ZNF569: variants seen among roughly 807,000 people sequenced by gnomAD.
ZNF569 encodes the protein DNA-binding protein.
ZNF569 carries 38 observed loss-of-function variants against 56.3 expected under a neutral mutation model. The ratio of observed to expected loss-of-function variants is 0.68; its 90% CI spans 0.52 to 0.88. The LOEUF is 0.88. Ranked by LOEUF, ZNF569 falls within the 40% of genes least tolerant of loss-of-function variation. The pLI, the probability that ZNF569 is intolerant of heterozygous loss-of-function variation, is 0.00. For synonymous variants in ZNF569, 241 were observed against 262.9 expected, an observed-to-expected ratio of 0.92 and a Z score of 0.81; for missense variants, 666 against 809.2, an observed-to-expected ratio of 0.82 and a Z score of 2.15.
chr19:37,416,733 G>A (rs1458357523), intron 5 of ZNF569, among the ~76,000 whole-genome samples: 1 of 151,996 alleles, frequency 6.6e-6, no homozygotes, highest in Non-Finnish European at 1.5e-5. Flanking sequence ...TGGATAGAAA[G>A]GGCTGACTAT....
At chr19:37,467,883 CAG>C (rs1451022605), upstream of ZNF569, 2 of 1,536,058 alleles carry the variant, frequency 1.3e-6, no homozygotes, top group Admixed American at 2.0e-5. Context: ...GCAGTTTTGT[CAG>C]AGACAATGTG....
chr19:37,467,895 G>T, upstream of ZNF569: 2 of 1,536,106 alleles, frequency 1.3e-6, no homozygotes, highest in African/African-American at 2.7e-5. Flanking sequence ...GAGACAATGT[G>T]CATGTATTTG....
At chr19:37,468,127 C>A, upstream of ZNF569, 1 of 618,414 alleles carries the variant, frequency 1.6e-6, no homozygotes, top group Non-Finnish European at 2.8e-6. Flanking sequence ...CTTTGTTGCC[C>A]AGGCTGGAGA....
rs76065312 is a variant in ZNF569, at chr19:37,450,272, T to C, written c.-43-5308A>G. 4.2e-3 allele frequency among the ~76,000 whole-genome samples: 641 copies of C among 152,338 alleles called. 3 individuals are homozygous for C. Among genetic ancestry groups the C allele is most frequent in the African/African-American group, 0.014 (596 of 41,582 alleles). ...GGTAGAATTCACCAGTGGAGCTGTA[T>C]GGTCCAGAGCTCTTCCATTAGGAGG... On this transcript the variant is annotated intron_variant, in intron 2 of 5. Transcript: ENST00000316950.
Position 37,425,725 on chromosome 19 carries a change from A to C in ZNF569, c.238+143T>G, listed in dbSNP as rs1053828409. ...AGCAATCCTTCCACCTTGGCTTCCC[A>C]AAGTGCTGGGACTATAGGTATGAAC... On this transcript the variant is annotated intron_variant, in intron 5 of 5. Coordinates refer to ENST00000316950, the MANE Select transcript of ZNF569 (RefSeq NM_152484.3). 7.8e-6 allele frequency: 5 copies of C among 640,730 alleles called. No individual in the cohort carries two copies. The African/African-American group carries it at 9.2e-5, about 12-fold the overall frequency. 39.7% of individuals were successfully genotyped at this position (640,730 alleles called of 1,614,324 possible). A position where few individuals can be genotyped will look rare whatever the true frequency, so the allele number is the denominator to read the frequency against.
At chr19:37,431,828 C>A (rs2041229828) in intron 3 of ZNF569, among the ~76,000 whole-genome samples, 1 of 152,114 alleles carries the variant, frequency 6.6e-6, no homozygotes, top group Admixed American at 6.5e-5. Flanking sequence ...CCAGGCCTGG[C>A]AACATTCACC....
At chr19:37,415,923 G>T (rs183326369) in intron 5 of ZNF569, among the ~76,000 whole-genome samples, 2 of 150,484 alleles carry the variant, frequency 1.3e-5, no homozygotes, top group African/African-American at 4.9e-5. Context: ...ATTAAGAAAA[G>T]AGTTGCCCCT....
At chr19:37,446,776 G>A (rs1019779990) in intron 2 of ZNF569, among the ~76,000 whole-genome samples, 4 of 151,886 alleles carry the variant, frequency 2.6e-5, no homozygotes, top group African/African-American at 4.8e-5. Flanking sequence ...GGACTTAATT[G>A]AACTAAAAAG....
intron 5 of ZNF569, among the ~76,000 whole-genome samples, chr19:37,416,246 C>CAAACAAAA (rs1171577907): frequency 7.7e-6 from 1 of 130,162 alleles, no homozygotes; most frequent in Non-Finnish European, 1.7e-5. Context: ...ACAAAACAAA[C>CAAACAAAA]AAACAAAAAA....
chr19:37,444,902 T>C lies in ZNF569; in HGVS notation c.15+5A>G. On this transcript the variant is annotated splice_donor_5th_base_variant and intron_variant, in intron 3 of 5. Transcript: ENST00000316950. ...CAAGAAACAAATACACTATTTAACA[T>C]TTACCTGGGACTCAGTCATTTCCTC... 1 of 1,606,628 alleles carries C rather than the reference T, an allele frequency of 6.2e-7. No individual in the cohort carries two copies. Among genetic ancestry groups the C allele is most frequent in the African/African-American group, 1.3e-5 (1 of 74,718 alleles).
chr19:37,415,253 G>A (rs2040908634), intron 5 of ZNF569, among the ~76,000 whole-genome samples: 1 of 151,726 alleles, frequency 6.6e-6, no homozygotes, highest in African/African-American at 2.4e-5. Context: ...TTCGATAATA[G>A]AAAGTATATT....
At chr19:37,464,405 G>A (rs2041800490) in intron 2 of ZNF569, among the ~76,000 whole-genome samples, 1 of 152,150 alleles carries the variant, frequency 6.6e-6, no homozygotes, top group Non-Finnish European at 1.5e-5. Context: ...TAGCCAGGAT[G>A]GTCTCGATCT....
intron 3 of ZNF569, among the ~76,000 whole-genome samples, chr19:37,438,378 C>T (rs185187244): frequency 6.6e-6 from 1 of 152,208 alleles, no homozygotes; most frequent in East Asian, 1.9e-4. Context: ...AGAGCAAGAT[C>T]CTGTCACAAA....
chr19:37,436,536 T>TA (rs1344775234), intron 3 of ZNF569, among the ~76,000 whole-genome samples: 2 of 150,994 alleles, frequency 1.3e-5, no homozygotes, highest in Admixed American at 6.6e-5. Flanking sequence ...ATTAACAAAA[T>TA]AAAAAAATCA....
chr19:37,446,362 A>G (rs762645725), intron 2 of ZNF569, among the ~76,000 whole-genome samples: 2 of 152,102 alleles, frequency 1.3e-5, no homozygotes, highest in African/African-American at 2.4e-5. Flanking sequence ...ATCCTGGCTA[A>G]CACAGTGAAA....
At chr19:37,426,176 G>T in intron 4 of ZNF569, 76 bp downstream of exon 4, 1 of 1,494,102 alleles carries the variant, frequency 6.7e-7, no homozygotes, top group South Asian at 1.3e-5. Flanking sequence ...AAAGGTCCAT[G>T]TATTTCAGAA....
At chr19:37,448,778 T>A (rs2041543460) in intron 2 of ZNF569, among the ~76,000 whole-genome samples, 1 of 152,022 alleles carries the variant, frequency 6.6e-6, no homozygotes, top group African/African-American at 2.4e-5. Context: ...TTAGCCAGGA[T>A]GGTCTCGATC....
At chr19:37,424,873 C>A (rs939798665) in intron 5 of ZNF569, among the ~76,000 whole-genome samples, 1 of 142,772 alleles carries the variant, frequency 7.0e-6, no homozygotes, top group Non-Finnish European at 1.5e-5. Flanking sequence ...GTAATCCCAA[C>A]ACTTTGGGAG....
chr19:37,457,461 T>C (rs2041690903), intron 2 of ZNF569, among the ~76,000 whole-genome samples: 1 of 152,232 alleles, frequency 6.6e-6, no homozygotes, highest in African/African-American at 2.4e-5. Flanking sequence ...GGAATTGGTA[T>C]ATAATGTTTA....
Sources: allele counts gnomAD v4.1 joint callset (sites outside exome capture counted in the v4.1 genomes callset), GRCh38; gene constraint gnomAD v4.1.1; transcripts MANE v1.5; gene names NCBI Gene and HGNC (gene_info 2026-07-23, HGNC 2026-07-21).